LINS1: variants seen among roughly 807,000 people sequenced by gnomAD.
The protein encoded by LINS1 is lines homolog 1, also known as protein Lines homolog 1.
Under a neutral mutation model 41.6 loss-of-function variants are expected in LINS1, and 27 were observed. That is an observed-to-expected ratio of 0.65 (90% CI 0.48 to 0.89). The LOEUF is 0.89. LINS1 is among the 40% of genes least tolerant of loss of function. The pLI, the probability that LINS1 is intolerant of heterozygous loss-of-function variation, is 0.00. For synonymous variants in LINS1, 336 were observed against 312.9 expected (o/e 1.07, Z -0.78); for missense variants, 955 against 884.1 (o/e 1.08, Z -1.02).
intron 1 of LINS1, among the ~76,000 whole-genome samples, chr15:100,583,728 C>A (rs1336091111): frequency 1.3e-5 from 2 of 152,186 alleles, no homozygotes; most frequent in Non-Finnish European, 2.9e-5. Context: ...ACCTTTTCTC[C>A]TTCCTCTTCA....
chr15:100,593,660 C>G (rs1248003229), intron 1 of LINS1, among the ~76,000 whole-genome samples: 1 of 151,976 alleles, frequency 6.6e-6, no homozygotes, highest in Non-Finnish European at 1.5e-5. Flanking sequence ...GGATGTGAAG[C>G]CAGAAAATCT....
At position 100,569,831 on chromosome 15, in the gene LINS1, G is replaced by C; in HGVS notation, c.1681C>G (p.Pro561Ala). The C allele has an allele frequency of 6.2e-7, 1 of 1,613,992 alleles. No homozygotes were observed. Among genetic ancestry groups the C allele is most frequent in the Non-Finnish European group, 8.5e-7 (1 of 1,180,000 alleles). ...GAGCTTTGGTCTTGGACAAGTGAGG[G>C]GACACAGCCACAAATACTTATGTCA... is the stretch of plus-strand genomic sequence containing the variant. ...KYDISICGCV[P>A]SLVQDQSSNQ... The change falls in exon 7 of 7, where the codon CCC becomes GCC. Residue 561 changes from proline to alanine, a missense_variant. Pro to Ala is a conservative substitution (Grantham distance 27). Coordinates refer to ENST00000314742, the MANE Select transcript of LINS1 (RefSeq NM_001040616.3).
At chr15:100,571,854 A>G in intron 6 of LINS1, 40 bp downstream of exon 6, 1 of 1,610,622 alleles carries the variant, frequency 6.2e-7, no homozygotes, top group Middle Eastern at 1.7e-4. Flanking sequence ...TGCTTTCCTG[A>G]CTTGTAGGCC....
At position 100,572,005 on chromosome 15, in the gene LINS1, G is replaced by C. The variant is rs1460697018; in HGVS notation, c.1283C>G (p.Ser428Cys). Residue 428 changes from serine (S) to cysteine (C), a missense_variant, in exon 6 of 7, where the codon TCT becomes TGT. Ser to Cys is a moderately radical substitution (Grantham distance 112). Coordinates refer to ENST00000314742, the MANE Select transcript of LINS1 (RefSeq NM_001040616.3). ...TTTGCACGGATTGTGTAATTGCAGA[G>C]AGGGCTGAAGATGAGGCTTTAAGAA... is the stretch of plus-strand genomic sequence containing the variant. Reference protein sequence around the residue: ...LTFLKPHLQPSLQLHNPCKWL... With the variant: ...LTFLKPHLQPCLQLHNPCKWL... The C allele has an allele frequency of 1.9e-6, 3 of 1,614,098 alleles. No homozygotes were observed. The highest frequency in any genetic ancestry group is 1.3e-5 in the African/African-American group (1 of 74,940).
chr15:100,573,730 G>C lies in LINS1; in HGVS notation c.1143C>G (p.Ile381Met), dbSNP rs780805915. ...TTATAACTAAGCTTGCTGCTCTAAG[G>C]ATCACATGATCTGGACTAGTGATAA... Reference protein sequence around the residue: ...CELITSPDHVILRAASLVIMK... With the variant: ...CELITSPDHVMLRAASLVIMK... Residue 381 changes from isoleucine (I) to methionine (M), a missense_variant, in exon 5 of 7, where the codon ATC (isoleucine) becomes ATG (methionine). Coordinates refer to ENST00000314742, the MANE Select transcript of LINS1 (RefSeq NM_001040616.3). 3.1e-6 allele frequency: 5 copies of C among 1,613,556 alleles called. No homozygotes were observed. In the Admixed American group the frequency reaches 8.3e-5, roughly 27 times the overall value.
intron 1 of LINS1, among the ~76,000 whole-genome samples, chr15:100,584,111 T>C (rs553736130): frequency 1.3e-5 from 2 of 152,340 alleles, no homozygotes; most frequent in South Asian, 4.1e-4. Context: ...TCTCAAAGTC[T>C]AATTCCATTG....
chr15:100,601,150 C>G (rs35817996), intron 1 of LINS1, among the ~76,000 whole-genome samples: 130,332 of 152,266 alleles, frequency 0.86, 56,184 homozygotes, highest in Non-Finnish European at 0.91. Context: ...CATTCAGATC[C>G]CTGCTCAAAT....
At chr15:100,601,622 T>C (rs1175107086) in intron 1 of LINS1, among the ~76,000 whole-genome samples, 2 of 151,982 alleles carry the variant, frequency 1.3e-5, no homozygotes, top group East Asian at 1.9e-4. Context: ...ATTTTCCTCA[T>C]ATAACCCATC....
intron 1 of LINS1, among the ~76,000 whole-genome samples, chr15:100,581,551 T>C (rs2038545483): frequency 6.6e-6 from 1 of 152,196 alleles, no homozygotes; most frequent in Admixed American, 6.5e-5. Flanking sequence ...CAACTTAAAA[T>C]GGATCAACAT....
rs1249676722 is a variant in LINS1, at chr15:100,569,898, A to C, written c.1614T>G (p.Phe538Leu). The C allele has an allele frequency of 6.2e-7, 1 of 1,612,734 alleles. No individual in the cohort carries two copies. The highest frequency in any genetic ancestry group is 1.1e-5 in the South Asian group (1 of 90,810). ...LKLLQKDWDNFFTICNNFDAT... is the reference protein window; with the variant it reads ...LKLLQKDWDNLFTICNNFDAT... ...CATCAAAGTTATTGCAAATGGTGAA[A>C]AAATTATCCCAGTCCTTTTGCAGTA... Residue 538 changes from phenylalanine to leucine, a missense_variant, in exon 7 of 7, where the codon TTT (phenylalanine) becomes TTG (leucine). By Grantham distance (22) the Phe-to-Leu change is conservative. Transcript: ENST00000314742.
chr15:100,572,300 T>A, intron 5 of LINS1: 1 of 1,309,676 alleles, frequency 7.6e-7, no homozygotes, highest in Non-Finnish European at 9.8e-7. Flanking sequence ...TACAGCTACA[T>A]CATCTATTTG....
At position 100,580,702 on chromosome 15, in the gene LINS1, T is replaced by A. The variant is rs756259922; in HGVS notation, c.141A>T (p.Leu47Phe). The A allele has an allele frequency of 6.2e-7, 1 of 1,613,504 alleles. No homozygotes were observed. The highest frequency in any genetic ancestry group is 1.7e-5 in the Admixed American group (1 of 59,900). Residue 47 changes from leucine to phenylalanine, a missense_variant, in exon 2 of 7, where the codon TTA (leucine) becomes TTT (phenylalanine). By Grantham distance (22) the Leu-to-Phe change is conservative (BLOSUM62 0). Transcript: ENST00000314742. ...SDQDCSTATS[L>F]EWANTCGIQG... ...GGATACCACAGGTGTTTGCCCATTC[T>A]AAGGAGGTGGCTGTAGAACAATCTT...
In LINS1 at chr15:100,573,637, G is replaced by A. The variant is rs539870409; in HGVS notation, c.1222+14C>T. 1.0e-4 allele frequency: 147 copies of A among 1,473,084 alleles called. No individual in the cohort carries two copies. The highest frequency in any genetic ancestry group is 1.7e-4 in the Middle Eastern group (1 of 5,812). 91.3% of individuals were successfully genotyped at this position (1,473,084 alleles called of 1,614,324 possible). A position where few individuals can be genotyped will look rare whatever the true frequency, so the allele number is the denominator to read the frequency against. On this transcript the variant is annotated intron_variant, in intron 5 of 6. Coordinates refer to ENST00000314742, the MANE Select transcript of LINS1 (RefSeq NM_001040616.3). ...TAATTACACACTGCATACAAAAGGA[G>A]TTTGGAGAATTACCTTTCACTTCAC...
intron 1 of LINS1, among the ~76,000 whole-genome samples, chr15:100,583,567 G>T (rs552126253): frequency 6.6e-6 from 1 of 152,270 alleles, no homozygotes; most frequent in South Asian, 2.1e-4. Context: ...TCTCAGCCCT[G>T]CGTGCTCTCA....
intron 1 of LINS1, among the ~76,000 whole-genome samples, chr15:100,595,845 C>G (rs1207430433): frequency 1.3e-5 from 2 of 152,204 alleles, no homozygotes; most frequent in African/African-American, 4.8e-5. Context: ...GATGCAGTGA[C>G]AACTGTCGCG....
At chr15:100,600,551 C>CAAAAAAAAAAAAAAAAAAAAAAAAA (rs56911211) in intron 1 of LINS1, among the ~76,000 whole-genome samples, 1 of 79,674 alleles carries the variant, frequency 1.3e-5, no homozygotes, top group African/African-American at 6.7e-5. Flanking sequence ...TGCTGTTAAG[C>CAAAAAAAAAAAAAAAAAAAAAAAAA]AAAAAAAAAA....
rs576308755 is a variant in LINS1, at chr15:100,569,061, T to A, written c.*177A>T. ...ATTGCTTGAACCCAGGAGGTGGAGG[T>A]TGCAGTGAGTCGAGTCACGCCACTG... On this transcript the variant is annotated 3_prime_UTR_variant, in exon 7 of 7. Transcript: ENST00000314742. The A allele has an allele frequency of 1.9e-5, 9 of 473,778 alleles. No homozygotes were observed. Among genetic ancestry groups the A allele is most frequent in the African/African-American group, 1.4e-4 (7 of 49,266 alleles). 29.3% of individuals were successfully genotyped at this position (473,778 alleles called of 1,614,324 possible).
In LINS1 at chr15:100,572,640, T is replaced by C. The variant is rs1364175196; in HGVS notation, c.1223-575A>G. On this transcript the variant is annotated intron_variant, in intron 5 of 6. Transcript: ENST00000314742. ...CAGAATTATAACTAATGTGTAGTTA[T>C]TAAAAGCTAAATTATATCCAAAGCA... 1.9e-5 allele frequency: 19 copies of C among 988,172 alleles called. No homozygotes were observed. In the South Asian group the frequency reaches 2.3e-4, roughly 12 times the overall value. 61.2% of individuals were successfully genotyped at this position (988,172 alleles called of 1,614,324 possible).
chr15:100,587,645 C>G lies in LINS1; in HGVS notation c.-103-6700G>C, dbSNP rs147805836. On this transcript the variant is annotated intron_variant, in intron 1 of 6. Coordinates refer to ENST00000314742, the MANE Select transcript of LINS1 (RefSeq NM_001040616.3). ...TTTGGTTCTGTGGATATTCTGTTTC[C>G]TATGTGTTTTTAGAAAGTCATCATT... Among the ~76,000 whole-genome samples the G allele has an allele frequency of 2.0e-3, 302 of 152,044 alleles. 1 individual carries two copies. Among genetic ancestry groups the G allele is most frequent in the African/African-American group, 6.9e-3 (285 of 41,418 alleles).
Sources: allele counts gnomAD v4.1 joint callset (sites outside exome capture counted in the v4.1 genomes callset), GRCh38; gene constraint gnomAD v4.1.1; transcripts MANE v1.5; gene names NCBI Gene and HGNC (gene_info 2026-07-23, HGNC 2026-07-21).